HS3ST4: variants seen among roughly 807,000 people sequenced by gnomAD.
HS3ST4 encodes the protein heparan sulfate glucosamine 3-O-sulfotransferase 4.
Under a neutral mutation model 29.2 loss-of-function variants are expected in HS3ST4, and 17 were observed. The ratio of observed to expected loss-of-function variants is 0.58; its 90% CI spans 0.40 to 0.87. HS3ST4 has a LOEUF of 0.87. Among genes scored for constraint, HS3ST4 ranks in the 40% least tolerant of loss-of-function variants. The probability of loss-of-function intolerance (pLI) is 0.00; values close to 1 mark genes in which losing one functional copy is unlikely to be tolerated. For missense variants in HS3ST4, 627 were observed against 634.5 expected, an observed-to-expected ratio of 0.99 and a Z score of 0.13; for synonymous variants, 314 against 285.7, an observed-to-expected ratio of 1.10 and a Z score of -1.00.
At chr16:25,978,938 T>TCTTG in intron 1 of HS3ST4, among the ~76,000 whole-genome samples, 1 of 49,670 alleles carries the variant, frequency 2.0e-5, no homozygotes, top group Non-Finnish European at 4.0e-5. Context: ...TTCTTTCTCT[T>TCTTG]TTTGTTTTTT....
At chr16:25,892,924 A>G (rs1213852985) in intron 1 of HS3ST4, among the ~76,000 whole-genome samples, 2 of 152,222 alleles carry the variant, frequency 1.3e-5, no homozygotes, top group Non-Finnish European at 2.9e-5. Context: ...TAGAATAAAT[A>G]AGTAGACAAA....
intron 1 of HS3ST4, among the ~76,000 whole-genome samples, chr16:26,018,731 C>T (rs1474295539): frequency 6.6e-6 from 1 of 151,902 alleles, no homozygotes; most frequent in African/African-American, 2.4e-5. Flanking sequence ...GTCCTCACAA[C>T]ATCGTGTTTG....
At chr16:25,755,500 T>C (rs989140314) in intron 1 of HS3ST4, among the ~76,000 whole-genome samples, 1 of 152,096 alleles carries the variant, frequency 6.6e-6, no homozygotes, top group African/African-American at 2.4e-5. Flanking sequence ...CACAGGGTAG[T>C]GCTGGGAGAT....
At chr16:26,063,878 A>G (rs1216535233) in intron 1 of HS3ST4, among the ~76,000 whole-genome samples, 3 of 152,182 alleles carry the variant, frequency 2.0e-5, no homozygotes, top group African/African-American at 4.8e-5. Flanking sequence ...TCCAGATGCC[A>G]CAAAGCCGTG....
chr16:25,702,622 A>T (rs1011888293), intron 1 of HS3ST4, among the ~76,000 whole-genome samples: 1 of 151,944 alleles, frequency 6.6e-6, no homozygotes, highest in African/African-American at 2.4e-5. Context: ...TTGAGATCAG[A>T]TGTGTTTGAG....
chr16:26,116,364 G>A (rs1355506682), intron 1 of HS3ST4, among the ~76,000 whole-genome samples: 1 of 152,214 alleles, frequency 6.6e-6, no homozygotes, highest in Non-Finnish European at 1.5e-5. Flanking sequence ...CCATTGCCAA[G>A]TTCTGTTGAT....
chr16:26,120,528 A>G (rs996613353), intron 1 of HS3ST4, among the ~76,000 whole-genome samples: 47 of 152,230 alleles, frequency 3.1e-4, no homozygotes, highest in Non-Finnish European at 4.4e-4. Context: ...CTCAGCAGAA[A>G]GCACAAGTTC....
At chr16:25,857,915 C>CTTT (rs1567257065) in intron 1 of HS3ST4, among the ~76,000 whole-genome samples, 108 of 55,330 alleles carry the variant, frequency 2.0e-3, no homozygotes, top group South Asian at 6.6e-3. Flanking sequence ...TTCCTTCCTT[C>CTTT]CTTCCTTTCT....
At chr16:25,793,329 G>A (rs776817418) in intron 1 of HS3ST4, among the ~76,000 whole-genome samples, 7 of 151,700 alleles carry the variant, frequency 4.6e-5, no homozygotes, top group Non-Finnish European at 7.4e-5. Context: ...TGATTTTTTT[G>A]GATATTTTGC....
rs140518635 is a variant in HS3ST4, at chr16:26,084,453, G to T, written c.735-51159G>T. Among the ~76,000 whole-genome samples, 334 of 152,236 alleles carry T rather than the reference G, an allele frequency of 2.2e-3. 3 individuals carry two copies. The highest frequency in any genetic ancestry group is 7.8e-3 in the African/African-American group (326 of 41,542). On this transcript the variant is annotated intron_variant, in intron 1 of 1. Coordinates refer to ENST00000331351, the MANE Select transcript of HS3ST4 (RefSeq NM_006040.3). ...TCACTTGTTTTCTTTCTGAATGCAA[G>T]TCTCAAAGCTCACATGCCAGCTAAT...
chr16:25,829,343 A>G (rs1315702615), intron 1 of HS3ST4, among the ~76,000 whole-genome samples: 2 of 152,246 alleles, frequency 1.3e-5, no homozygotes, highest in African/African-American at 2.4e-5. Flanking sequence ...CTTCATTTCT[A>G]TCAGGGCAGA....
intron 1 of HS3ST4, among the ~76,000 whole-genome samples, chr16:25,978,185 G>T (rs1297642247): frequency 6.6e-6 from 1 of 152,214 alleles, no homozygotes. Flanking sequence ...TTGCATTAAA[G>T]ATGGGAGTGT....
intron 1 of HS3ST4, among the ~76,000 whole-genome samples, chr16:26,066,777 CTT>C (rs1362883472): frequency 1.2e-4 from 18 of 152,360 alleles, no homozygotes; most frequent in African/African-American, 3.8e-4. Context: ...TTGCATCTCA[CTT>C]TAGAATGAGA....
At chr16:25,830,574 A>T (rs1967285255) in intron 1 of HS3ST4, among the ~76,000 whole-genome samples, 1 of 152,206 alleles carries the variant, frequency 6.6e-6, no homozygotes, top group Admixed American at 6.5e-5. Context: ...CAGTGTCCCC[A>T]GTGTCCTGAA....
intron 1 of HS3ST4, among the ~76,000 whole-genome samples, chr16:26,134,152 G>A (rs932962515): frequency 1.3e-5 from 2 of 152,098 alleles, no homozygotes; most frequent in Admixed American, 6.5e-5. Flanking sequence ...CTCGGATGGA[G>A]GAATGGGAGT....
chr16:25,904,148 A>G (rs557868639), intron 1 of HS3ST4, among the ~76,000 whole-genome samples: 1 of 70,106 alleles, frequency 1.4e-5, no homozygotes, highest in Non-Finnish European at 3.2e-5. Flanking sequence ...GGATGGATGG[A>G]TGGATGAATG....
intron 1 of HS3ST4, among the ~76,000 whole-genome samples, chr16:25,773,331 G>T (rs1457453424): frequency 1.3e-5 from 2 of 152,156 alleles, no homozygotes; most frequent in African/African-American, 4.8e-5. Context: ...TGGGAGTGGG[G>T]TCTACCGTGG....
At chr16:25,731,416 C>G (rs1966569255) in intron 1 of HS3ST4, among the ~76,000 whole-genome samples, 1 of 152,224 alleles carries the variant, frequency 6.6e-6, no homozygotes, top group Admixed American at 6.5e-5. Flanking sequence ...TTACGGTTCA[C>G]TGCAGCCTCA....
chr16:25,945,977 A>G (rs755531375), intron 1 of HS3ST4, among the ~76,000 whole-genome samples: 1 of 152,114 alleles, frequency 6.6e-6, no homozygotes, highest in South Asian at 2.1e-4. Context: ...TGTCCTACCC[A>G]TGGTCTCTTT....
Sources: gnomAD v4.1 joint callset for allele counts (sites outside exome capture counted in the v4.1 genomes callset) on GRCh38, gnomAD v4.1.1 for gene constraint, MANE v1.5 for transcripts, NCBI Gene and HGNC (gene_info 2026-07-23, HGNC 2026-07-21) for gene names.